Variants in GPR55 observed in about 807,000 individuals in gnomAD.
The protein encoded by GPR55 is G-protein coupled receptor 55.
A neutral mutation model predicts 7.9 loss-of-function variants in GPR55; 6 were observed. The observed-to-expected ratio is 0.76, with a 90% CI of 0.41 to 1.49. The LOEUF is 1.49. Ranked by LOEUF, GPR55 falls within the 40% of genes most tolerant of loss-of-function variation. The pLI is 0.01. For missense variants in GPR55, 376 were observed against 406.0 expected (o/e 0.93, Z 0.63); for synonymous variants, 183 against 166.8 (o/e 1.10, Z -0.75).
rs555203235 is a variant in GPR55, at chr2:230,910,315, C to G, written c.648G>C (p.Gln216His). The change falls in exon 2 of 2, where the codon CAG (glutamine) becomes CAC (histidine). Residue 216 changes from glutamine (Q) to histidine (H), a missense_variant. Transcript: ENST00000650999. The surrounding 1 kb of genome is among the most constrained non-coding windows in gnomAD (Gnocchi z 5.4). ...HILLGRRDHTQDWVQQKACIY... is the reference protein window; with the variant it reads ...HILLGRRDHTHDWVQQKACIY... ...TGCAGGCTTTCTGCTGCACCCAGTC[C>G]TGGGTGTGGTCTCGGCGGCCCAGCA... is the stretch of plus-strand genomic sequence containing the variant. 6.2e-7 allele frequency: 1 copy of G among 1,614,052 alleles called. No homozygotes were observed. The highest frequency in any genetic ancestry group is 1.1e-5 in the South Asian group (1 of 91,036).
chr2:230,921,013 C>T (rs576144401), intron 1 of GPR55, among the ~76,000 whole-genome samples: 2 of 152,016 alleles, frequency 1.3e-5, no homozygotes, highest in Admixed American at 6.6e-5. Context: ...TTATCAGGCA[C>T]ATTTTGTGCT....
chr2:230,947,105 T>C (rs1421152623), intron 1 of GPR55, among the ~76,000 whole-genome samples: 1 of 152,206 alleles, frequency 6.6e-6, no homozygotes, highest in African/African-American at 2.4e-5. Context: ...TCCTTCATCA[T>C]GCCCAAGCCA....
In GPR55 at chr2:230,921,551, C is replaced by T. The variant is rs142343248; in HGVS notation, c.-135+3617G>A. ...TGCATTCTTTTACACAGGCTCTTCA[C>T]GTGTGAGTCAGAGACAAAATCAGAC... On this transcript the variant is annotated intron_variant, in intron 1 of 1. Coordinates refer to ENST00000650999, the MANE Select transcript of GPR55 (RefSeq NM_005683.4). Among the ~76,000 whole-genome samples, 535 of 152,318 alleles carry T rather than the reference C, an allele frequency of 3.5e-3. 2 individuals carry two copies. The highest frequency in any genetic ancestry group is 0.011 in the African/African-American group (474 of 41,554).
chr2:230,915,549 A>T (rs926529985), intron 1 of GPR55, among the ~76,000 whole-genome samples: 1 of 152,208 alleles, frequency 6.6e-6, no homozygotes, highest in African/African-American at 2.4e-5. Flanking sequence ...CAACAGCAGC[A>T]CGGTGGCTGA....
At chr2:230,913,811 G>A (rs1373826193) in intron 1 of GPR55, among the ~76,000 whole-genome samples, 1 of 152,208 alleles carries the variant, frequency 6.6e-6, no homozygotes, top group African/African-American at 2.4e-5. Context: ...AATGTAAAAT[G>A]TTGCAACACC....
At chr2:230,937,962 C>T (rs1315804176) in intron 1 of GPR55, among the ~76,000 whole-genome samples, 1 of 151,642 alleles carries the variant, frequency 6.6e-6, no homozygotes, top group Non-Finnish European at 1.5e-5. Context: ...TGAGACCAGC[C>T]TAGGTAATAT....
In GPR55 at chr2:230,936,376, T is replaced by C. The variant is rs569313964; in HGVS notation, c.-135+24399A>G. ...GGCGGTTACCCTCATCCTGTTCTCATGATAGTGAGTGAGTTCTCATGAGAT... is the reference window on the plus strand; with the variant it reads ...GGCGGTTACCCTCATCCTGTTCTCACGATAGTGAGTGAGTTCTCATGAGAT... On this transcript the variant is annotated intron_variant, in intron 1 of 1. Transcript: ENST00000392039. Among the ~76,000 whole-genome samples the C allele has an allele frequency of 1.5e-4, 23 of 152,290 alleles. 1 individual carries two copies. The South Asian group carries it at 4.8e-3, about 32-fold the overall frequency.
At position 230,924,463 on chromosome 2, in the gene GPR55, C is replaced by T. The variant is rs1189353633; in HGVS notation, c.-135+705G>A. The T allele has an allele frequency of 6.6e-6, 1 of 152,268 alleles. No individual in the cohort carries two copies. Among genetic ancestry groups the T allele is most frequent in the East Asian group, 1.9e-4 (1 of 5,198 alleles). 9.4% of individuals were successfully genotyped at this position (152,268 alleles called of 1,614,324 possible). A position where few individuals can be genotyped will look rare whatever the true frequency, so the allele number is the denominator to read the frequency against. On this transcript the variant is annotated intron_variant, in intron 1 of 1. Transcript: ENST00000650999. This position sits in a 1 kb window ranked among gnomAD's most constrained non-coding sequence, Gnocchi z 4.5. Reference sequence around the variant, plus strand: ...AGAATGTTCAGGGTTCTAAGTGCTGCTGTGTCTTCCCGCCCAGCCTCTCCA... The same window carrying T: ...AGAATGTTCAGGGTTCTAAGTGCTGTTGTGTCTTCCCGCCCAGCCTCTCCA...
At chr2:230,921,481 T>C (rs1265687613) in intron 1 of GPR55, among the ~76,000 whole-genome samples, 2 of 152,258 alleles carry the variant, frequency 1.3e-5, no homozygotes, top group East Asian at 3.8e-4. Flanking sequence ...TTGTTGGTCC[T>C]GACCACTTAG....
At chr2:230,952,784 G>C (rs9973616) in intron 1 of GPR55, among the ~76,000 whole-genome samples, 1,767 of 152,286 alleles carry the variant, frequency 0.012, 43 homozygotes, top group African/African-American at 0.04. Flanking sequence ...CAGCCTCTTG[G>C]AGGCAGGCTT....
rs994493131 is a variant in GPR55, at chr2:230,909,787, A to G, written c.*216T>C. On this transcript the variant is annotated 3_prime_UTR_variant, in exon 2 of 2. Transcript: ENST00000650999. The stretch of plus-strand genomic sequence containing the variant: ...AATTCACCTGGTCTGTGGGTTCTTC[A>G]GAGATCCCTGAACACTGGGTGGTAT... The G allele has an allele frequency of 3.6e-6, 2 of 551,574 alleles. No individual in the cohort carries two copies. The highest frequency in any genetic ancestry group is 3.8e-5 in the African/African-American group (2 of 53,284). The allele number at this position is 551,574 out of a possible 1,614,324, so 34.2% of individuals were successfully genotyped here.
intron 1 of GPR55, among the ~76,000 whole-genome samples, chr2:230,943,748 G>GCGAGATCTGGCTGTTTGAAA (rs1334815168): frequency 6.6e-6 from 1 of 152,108 alleles, no homozygotes; most frequent in Non-Finnish European, 1.5e-5. Context: ...GTTCCTTCTT[G>GCGAGATCTGGCTGTTTGAAA]CGAGATCTGG....
At chr2:230,941,808 T>C (rs1056948627) in intron 1 of GPR55, among the ~76,000 whole-genome samples, 8 of 152,272 alleles carry the variant, frequency 5.3e-5, no homozygotes, top group Non-Finnish European at 1.0e-4. Context: ...GTTGTGCTTT[T>C]TAAATATCTT....
At chr2:230,922,425 G>T (rs1690859000) in intron 1 of GPR55, among the ~76,000 whole-genome samples, 1 of 152,062 alleles carries the variant, frequency 6.6e-6, no homozygotes, top group African/African-American at 2.4e-5. Context: ...ACCCAGGCTG[G>T]AGTGCAGTGG....
intron 1 of GPR55, among the ~76,000 whole-genome samples, chr2:230,951,302 C>G (rs192066487): frequency 1.3e-5 from 2 of 152,278 alleles, no homozygotes; most frequent in South Asian, 2.1e-4. Flanking sequence ...GACAACCCCC[C>G]ACACATCTGG....
chr2:230,949,384 G>A (rs548584271), intron 1 of GPR55, among the ~76,000 whole-genome samples: 8 of 152,242 alleles, frequency 5.3e-5, no homozygotes, highest in African/African-American at 1.4e-4. Flanking sequence ...GGCTGGTTTC[G>A]AACTCCTGAA....
In GPR55 at chr2:230,935,887, C is replaced by T. The variant is rs75015542; in HGVS notation, c.-134-24791G>A. On this transcript the variant is annotated intron_variant, in intron 1 of 1. Coordinates refer to the GPR55 transcript ENST00000392039. ...AGCATTTTCCTTGAGTGCATGTTGG[C>T]GCACAAAAAGTTTTAGATCTGGAGT... Among the ~76,000 whole-genome samples the T allele has an allele frequency of 7.2e-3, 1,094 of 152,260 alleles. 19 individuals are homozygous for T. The highest frequency in any genetic ancestry group is 0.025 in the African/African-American group (1,040 of 41,538).
chr2:230,921,202 G>A (rs990536703), intron 1 of GPR55, among the ~76,000 whole-genome samples: 2 of 148,782 alleles, frequency 1.3e-5, no homozygotes, highest in Non-Finnish European at 3.0e-5. Context: ...AAATGCAAAA[G>A]AAATTTTAAA....
chr2:230,949,942 C>A (rs1313750640), intron 1 of GPR55, among the ~76,000 whole-genome samples: 1 of 151,642 alleles, frequency 6.6e-6, no homozygotes, highest in Non-Finnish European at 1.5e-5. Context: ...TCAAGCAATT[C>A]TCTGCCTCAG....
Sources: allele counts gnomAD v4.1 joint callset (sites outside exome capture counted in the v4.1 genomes callset), GRCh38; gene constraint gnomAD v4.1.1; non-coding constraint Gnocchi (gnomAD v3.1); transcripts MANE v1.5; gene names NCBI Gene and HGNC (gene_info 2026-07-23, HGNC 2026-07-21).